The following PTPRN2 variants were observed in gnomAD, a reference collection of about 807,000 sequenced individuals.
PTPRN2 encodes protein tyrosine phosphatase receptor type N2.
In PTPRN2, 74 loss-of-function variants were observed where a neutral mutation model predicts 118.8. The observed-to-expected ratio is 0.62, with a 90% CI of 0.52 to 0.76. The LOEUF is 0.76. Among genes scored for constraint, PTPRN2 ranks in the 30% least tolerant of loss-of-function variants. PTPRN2 has a pLI of 0.00. For synonymous variants in PTPRN2, 641 were observed against 608.0 expected (o/e 1.05, Z -0.80); for missense variants, 1,481 against 1,394.4 (o/e 1.06, Z -0.99).
intron 3 of PTPRN2, among the ~76,000 whole-genome samples, chr7:158,215,698 A>G (rs966163226): frequency 3.3e-5 from 5 of 152,204 alleles, no homozygotes; most frequent in Admixed American, 3.3e-4. Flanking sequence ...GGAGGCCACA[A>G]GGAAACAGCA....
At chr7:158,332,315 TCTCACCATAA>T (rs1804639404) in intron 2 of PTPRN2, among the ~76,000 whole-genome samples, 1 of 47,234 alleles carries the variant, frequency 2.1e-5, no homozygotes, top group South Asian at 1.2e-3. Flanking sequence ...ACACCCACAC[TCTCACCATAA>T]GAGCTGAGGC....
At chr7:157,601,911 G>GCCATAGTTGCCATAGTTGCCGTGC (rs1420714277) in intron 16 of PTPRN2, among the ~76,000 whole-genome samples, 8 of 152,206 alleles carry the variant, frequency 5.3e-5, no homozygotes. Flanking sequence ...TGCCAACTCT[G>GCCATAGTTGCCATAGTTGCCGTGC]CTGCACATAG....
At chr7:157,682,456 A>T (rs745450045) in intron 13 of PTPRN2, among the ~76,000 whole-genome samples, 1 of 152,218 alleles carries the variant, frequency 6.6e-6, no homozygotes, top group Non-Finnish European at 1.5e-5. Flanking sequence ...CATGTACTGT[A>T]CTTTTTCCAC....
intron 2 of PTPRN2, among the ~76,000 whole-genome samples, chr7:158,339,233 G>T (rs200662072): frequency 0.045 from 132 of 2,902 alleles, no homozygotes; most frequent in South Asian, 0.07. Flanking sequence ...ACCCACACTC[G>T]CACCATAAGA....
Position 158,487,788 on chromosome 7 carries a change from C to T in PTPRN2, c.163+1947G>A, listed in dbSNP as rs989677452. Among the ~76,000 whole-genome samples, 5 of 152,124 alleles carry T rather than the reference C, an allele frequency of 3.3e-5. No individual in the cohort carries two copies. In the East Asian group the frequency reaches 7.8e-4, roughly 24 times the overall value. On this transcript the variant is annotated intron_variant, in intron 2 of 22. Transcript: ENST00000389418. The stretch of plus-strand genomic sequence containing the variant: ...AGGAACCACTTCTCCTATCGCTCCC[C>T]GTCAGCCTCGCAAAGCGCAGTTTTC...
At chr7:158,253,705 C>T (rs929600415) in intron 3 of PTPRN2, among the ~76,000 whole-genome samples, 1 of 152,174 alleles carries the variant, frequency 6.6e-6, no homozygotes, top group Non-Finnish European at 1.5e-5. Flanking sequence ...ACAAGGTGTC[C>T]AGTGCTTTAA....
chr7:157,928,120 C>T (rs956353472), intron 11 of PTPRN2, among the ~76,000 whole-genome samples: 7 of 152,136 alleles, frequency 4.6e-5, no homozygotes, highest in African/African-American at 1.2e-4. Context: ...TGAATTCACA[C>T]GTTTAACTCT....
chr7:158,532,818 G>T (rs1281338409), intron 1 of PTPRN2: 14 of 534,530 alleles, frequency 2.6e-5, no homozygotes, highest in South Asian at 1.7e-4. Flanking sequence ...TTCCGTGCAG[G>T]AGCCCTCTGC....
At chr7:158,198,563 G>A (rs901893089) in intron 4 of PTPRN2, among the ~76,000 whole-genome samples, 2 of 152,104 alleles carry the variant, frequency 1.3e-5, no homozygotes, top group East Asian at 3.8e-4. Flanking sequence ...TGAAGTCATC[G>A]GTGCTCATAT....
chr7:158,023,022 G>C (rs1392930202), intron 11 of PTPRN2, among the ~76,000 whole-genome samples: 1 of 152,202 alleles, frequency 6.6e-6, no homozygotes, highest in Non-Finnish European at 1.5e-5. Context: ...TTTGTTTTCA[G>C]TGTGCATTTA....
chr7:158,147,361 T>A (rs1316623126), intron 6 of PTPRN2, among the ~76,000 whole-genome samples: 5 of 18,622 alleles, frequency 2.7e-4, no homozygotes, highest in Admixed American at 5.0e-4. Flanking sequence ...GCCACGTATC[T>A]TTCCCCCTCA....
rs141833963 is a variant in PTPRN2, at chr7:157,971,135, G to A, written c.1724-72398C>T. Among the ~76,000 whole-genome samples the A allele has an allele frequency of 6.7e-3, 1,017 of 152,210 alleles. 12 individuals are homozygous for A. The highest frequency in any genetic ancestry group is 0.023 in the African/African-American group (958 of 41,524). ...CCATGAGTTCTTCAAGAAAAGAGCTGGATTCTGTTCATCTTTGTTCTTACC... is the reference window on the plus strand; with the variant it reads ...CCATGAGTTCTTCAAGAAAAGAGCTAGATTCTGTTCATCTTTGTTCTTACC... On this transcript the variant is annotated intron_variant, in intron 11 of 22. Coordinates refer to ENST00000389418, the MANE Select transcript of PTPRN2 (RefSeq NM_002847.5).
chr7:157,712,095 TG>T (rs1445928672), intron 12 of PTPRN2, among the ~76,000 whole-genome samples: 1 of 7,138 alleles, frequency 1.4e-4, no homozygotes, highest in African/African-American at 5.4e-4. Flanking sequence ...GCACCATGAG[TG>T]GGGGGAGGGG....
chr7:158,071,456 T>TGAGGTGCTCGTGGTGGTG (rs1811627092), intron 11 of PTPRN2, among the ~76,000 whole-genome samples: 9 of 20,188 alleles, frequency 4.5e-4, no homozygotes, highest in South Asian at 2.0e-3. Context: ...TGCTCGTGGT[T>TGAGGTGCTCGTGGTGGTG]GAGGTGCTCG....
chr7:157,895,003 A>G (rs1797018644), intron 12 of PTPRN2, among the ~76,000 whole-genome samples: 1 of 151,874 alleles, frequency 6.6e-6, no homozygotes. Context: ...GCTGAGGGTA[A>G]GCTCACAATT....
intron 11 of PTPRN2, among the ~76,000 whole-genome samples, chr7:158,050,995 C>T (rs562778942): frequency 5.9e-5 from 9 of 152,318 alleles, no homozygotes; most frequent in African/African-American, 1.9e-4. Flanking sequence ...CACGCCATGG[C>T]GGTGGAGCCA....
At chr7:158,403,901 A>G (rs1368794099) in intron 2 of PTPRN2, among the ~76,000 whole-genome samples, 1 of 152,256 alleles carries the variant, frequency 6.6e-6, no homozygotes, top group African/African-American at 2.4e-5. Flanking sequence ...AAGTCACCTA[A>G]TTAAGGTAAT....
intron 13 of PTPRN2, among the ~76,000 whole-genome samples, chr7:157,662,694 G>A (rs564289472): frequency 1.3e-3 from 193 of 152,306 alleles, no homozygotes; most frequent in African/African-American, 4.5e-3. Context: ...AGGAGGAGGA[G>A]GAGAGAGAAG....
At chr7:158,581,002 A>T (rs1167696080) in intron 1 of PTPRN2, among the ~76,000 whole-genome samples, 2 of 152,226 alleles carry the variant, frequency 1.3e-5, no homozygotes, top group Non-Finnish European at 2.9e-5. Flanking sequence ...GGTGCCAAAG[A>T]GCACTTTAAA....
Sources: gnomAD v4.1 joint callset for allele counts (sites outside exome capture counted in the v4.1 genomes callset) on GRCh38, gnomAD v4.1.1 for gene constraint, MANE v1.5 for transcripts, NCBI Gene and HGNC (gene_info 2026-07-23, HGNC 2026-07-21) for gene names.